The following TMEM178B variants were observed in gnomAD, a reference collection of about 807,000 sequenced individuals.
The protein encoded by TMEM178B is transmembrane protein 178B.
In TMEM178B, 5 loss-of-function variants were observed where a neutral mutation model predicts 31.0. That is an observed-to-expected ratio of 0.16 (90% CI 0.08 to 0.34). The LOEUF is 0.34. Ranked by LOEUF, TMEM178B falls within the 10% of genes least tolerant of loss-of-function variation. TMEM178B has a pLI of 1.00. For synonymous variants in TMEM178B, 164 were observed against 164.0 expected (o/e 1.00, Z 0.00); for missense variants, 275 against 400.3 (o/e 0.69, Z 2.67).
At chr7:141,196,906 C>T (rs1796791837) in intron 1 of TMEM178B, among the ~76,000 whole-genome samples, 1 of 152,056 alleles carries the variant, frequency 6.6e-6, no homozygotes, top group Non-Finnish European at 1.5e-5. Context: ...GAGATGCTGC[C>T]TTGGGCTGTG....
intron 2 of TMEM178B, among the ~76,000 whole-genome samples, chr7:141,252,698 ATC>A (rs1483421092): frequency 6.6e-6 from 1 of 152,220 alleles, no homozygotes; most frequent in Non-Finnish European, 1.5e-5. Flanking sequence ...CAGCTCCTGG[ATC>A]TACATAACTC....
intron 2 of TMEM178B, among the ~76,000 whole-genome samples, chr7:141,295,278 G>A (rs988588592): frequency 1.3e-5 from 2 of 152,188 alleles, no homozygotes; most frequent in African/African-American, 4.8e-5. Context: ...CTCCACCATG[G>A]TTAAGTGAAT....
chr7:141,322,901 A>G (rs1051963286), intron 2 of TMEM178B, among the ~76,000 whole-genome samples: 31 of 152,172 alleles, frequency 2.0e-4, no homozygotes, highest in African/African-American at 4.3e-4. Flanking sequence ...TTCAAGAAAC[A>G]TTAATTAGTG....
At chr7:141,231,078 G>T (rs911409167) in intron 2 of TMEM178B, among the ~76,000 whole-genome samples, 10 of 152,258 alleles carry the variant, frequency 6.6e-5, no homozygotes, top group South Asian at 6.2e-4. Context: ...TACTTAAATG[G>T]GTTCAGGAAC....
At chr7:141,219,757 G>A (rs1189908651) in intron 2 of TMEM178B, among the ~76,000 whole-genome samples, 1 of 152,100 alleles carries the variant, frequency 6.6e-6, no homozygotes, top group Non-Finnish European at 1.5e-5. Flanking sequence ...ATGTGATATT[G>A]CACCAAGATC....
chr7:141,236,588 T>C (rs1456567669), intron 2 of TMEM178B, among the ~76,000 whole-genome samples: 1 of 152,140 alleles, frequency 6.6e-6, no homozygotes, highest in Non-Finnish European at 1.5e-5. Flanking sequence ...CTATCTTCAC[T>C]CCAGGGACAA....
chr7:141,245,998 G>A (rs1033149916), intron 2 of TMEM178B, among the ~76,000 whole-genome samples: 4 of 151,584 alleles, frequency 2.6e-5, no homozygotes, highest in African/African-American at 4.9e-5. Context: ...GAAATGATGC[G>A]ATTTTTTTTT....
chr7:141,183,220 G>A (rs946795389), intron 1 of TMEM178B, among the ~76,000 whole-genome samples: 4 of 152,140 alleles, frequency 2.6e-5, no homozygotes, highest in Middle Eastern at 3.2e-3. Flanking sequence ...TCTTTCAGCA[G>A]CATGGGGTTA....
intron 1 of TMEM178B, among the ~76,000 whole-genome samples, chr7:141,202,078 G>A (rs1213417132): frequency 6.6e-6 from 1 of 151,926 alleles, no homozygotes; most frequent in Non-Finnish European, 1.5e-5. Flanking sequence ...ATATGAGTGG[G>A]GATAATAATG....
rs143134034 is a variant in TMEM178B, at chr7:141,167,295, C to G, written c.383-45296C>G. On this transcript the variant is annotated intron_variant, in intron 1 of 3. Coordinates refer to ENST00000565468, the MANE Select transcript of TMEM178B (RefSeq NM_001195278.2). Reference sequence around the variant, plus strand: ...GCCTCTTCGCCCATGCGTCTGTTACCCCAAATGCCCCTCACTGTCATTTGT... The same window carrying G: ...GCCTCTTCGCCCATGCGTCTGTTACGCCAAATGCCCCTCACTGTCATTTGT... 1.4e-4 allele frequency among the ~76,000 whole-genome samples: 21 copies of G among 152,322 alleles called. No individual in the cohort carries two copies. In the East Asian group the frequency reaches 3.7e-3, roughly 27 times the overall value.
intron 2 of TMEM178B, among the ~76,000 whole-genome samples, chr7:141,307,792 A>G (rs142964211): frequency 2.0e-5 from 3 of 152,324 alleles, no homozygotes; most frequent in East Asian, 1.9e-4. Flanking sequence ...CTAACTTCCT[A>G]TATTCCAGGC....
At chr7:141,263,898 A>G (rs1028220484) in intron 2 of TMEM178B, among the ~76,000 whole-genome samples, 1 of 152,234 alleles carries the variant, frequency 6.6e-6, no homozygotes, top group Non-Finnish European at 1.5e-5. Flanking sequence ...ACAGTTTATT[A>G]CAGTTGAATA....
chr7:141,497,960 T>A, the TMEM178B span, among the ~76,000 whole-genome samples: 1 of 152,176 alleles, frequency 6.6e-6, no homozygotes, highest in African/African-American at 2.4e-5. Context: ...GCAAGCTCAG[T>A]TTTTTTCATA....
chr7:141,463,162 G>A (rs1482384747), intron 3 of TMEM178B, among the ~76,000 whole-genome samples: 3 of 152,324 alleles, frequency 2.0e-5, no homozygotes, highest in East Asian at 1.9e-4. Flanking sequence ...GCCAGTGAGA[G>A]TCCTGGCACA....
chr7:141,331,921 T>C lies in TMEM178B; in HGVS notation c.497-105687T>C, dbSNP rs966403351. Among the ~76,000 whole-genome samples, 6 of 152,344 alleles carry C rather than the reference T, an allele frequency of 3.9e-5. No homozygotes were observed. In the East Asian group the frequency reaches 1.2e-3, roughly 29 times the overall value. ...CCATTTCAGTGTTCTAACCCATTTG[T>C]CTTTTTATTCAGAATCTCCTATGTC... On this transcript the variant is annotated intron_variant, in intron 2 of 3. Transcript: ENST00000565468.
intron 1 of TMEM178B, among the ~76,000 whole-genome samples, chr7:141,126,601 A>G (rs1045724388): frequency 6.6e-6 from 1 of 152,190 alleles, no homozygotes; most frequent in African/African-American, 2.4e-5. Context: ...ACCACTGGGA[A>G]AACACTGCTT....
intron 2 of TMEM178B, among the ~76,000 whole-genome samples, chr7:141,351,111 G>A (rs1799713915): frequency 6.6e-6 from 1 of 152,364 alleles, no homozygotes; most frequent in Middle Eastern, 3.4e-3. Flanking sequence ...CTCCTCTGAA[G>A]CACTGATCTC....
At chr7:141,312,709 A>G (rs1798933881) in intron 2 of TMEM178B, among the ~76,000 whole-genome samples, 1 of 152,250 alleles carries the variant, frequency 6.6e-6, no homozygotes, top group Admixed American at 6.5e-5. Context: ...ATGCACCTGC[A>G]GATCATGTAG....
rs1799577572 is a variant in TMEM178B, at chr7:141,344,576, CTT to C, written c.497-93031_497-93030del. 6.5e-5 allele frequency among the ~76,000 whole-genome samples: 1 copy of C among 15,468 alleles called. No individual in the cohort carries two copies. The highest frequency in any genetic ancestry group is 1.6e-4 in the Non-Finnish European group (1 of 6,272). 10.1% of individuals were successfully genotyped at this position (15,468 alleles called of 152,430 possible). A position where few individuals can be genotyped will look rare whatever the true frequency, so the allele number is the denominator to read the frequency against. On this transcript the variant is annotated intron_variant, in intron 2 of 3. Coordinates refer to ENST00000565468, the MANE Select transcript of TMEM178B (RefSeq NM_001195278.2). The surrounding 1 kb of genome is among the most constrained non-coding windows in gnomAD (Gnocchi z 4.1). ...CCCTCCCTCCATTCCTCCCTCCTCC[CTT>C]CCTTCCTTCCTTCCTTCCTTCCTTC... is the stretch of plus-strand genomic sequence containing the variant.
Sources: gnomAD v4.1 joint callset for allele counts (sites outside exome capture counted in the v4.1 genomes callset) on GRCh38, gnomAD v4.1.1 for gene constraint, Gnocchi (gnomAD v3.1) non-coding constraint, MANE v1.5 for transcripts, NCBI Gene and HGNC (gene_info 2026-07-23, HGNC 2026-07-21) for gene names.